Variants in MAGI2 observed in about 807,000 individuals in gnomAD.
The protein encoded by MAGI2 is membrane-associated guanylate kinase, WW and PDZ domain-containing protein 2.
Under a neutral mutation model 133.3 loss-of-function variants are expected in MAGI2, and 35 were observed. The ratio of observed to expected loss-of-function variants is 0.26; its 90% CI spans 0.20 to 0.35. The LOEUF is 0.35. Ranked by LOEUF, MAGI2 falls within the 10% of genes least tolerant of loss-of-function variation. The pLI is 1.00. For missense variants in MAGI2, 1,636 were observed against 1,863.4 expected (o/e 0.88, Z 2.25); for synonymous variants, 729 against 710.6 (o/e 1.03, Z -0.41).
At chr7:79,136,733 T>C (rs553460836) in intron 1 of MAGI2, among the ~76,000 whole-genome samples, 12 of 152,346 alleles carry the variant, frequency 7.9e-5, no homozygotes. Context: ...CTCATTTTAC[T>C]TTTTTCACAC....
intron 4 of MAGI2, among the ~76,000 whole-genome samples, chr7:78,516,686 T>C (rs1006318021): frequency 2.2e-4 from 33 of 152,200 alleles, no homozygotes; most frequent in African/African-American, 7.9e-4. Flanking sequence ...TTTTTACCTA[T>C]GGTGGAATAA....
chr7:79,367,858 C>CATATATATATATATATAT lies in MAGI2; in HGVS notation c.301+85144_301+85161dup, dbSNP rs367920302. Among the ~76,000 whole-genome samples the CATATATATATATATATAT allele has an allele frequency of 1.2e-3, 103 of 87,122 alleles. 4 individuals carry two copies. The highest frequency in any genetic ancestry group is 2.2e-3 in the African/African-American group (48 of 21,568). 57.2% of individuals were successfully genotyped at this position (87,122 alleles called of 152,430 possible). ...CATATATATATGCTTATATATGTGA[C>CATATATATATATATATAT]ATATATATATATATATATGTCATTG... On this transcript the variant is annotated intron_variant, in intron 1 of 21. Coordinates refer to ENST00000354212, the MANE Select transcript of MAGI2 (RefSeq NM_012301.4).
chr7:78,248,831 C>T (rs535193787), intron 10 of MAGI2, among the ~76,000 whole-genome samples: 1 of 151,956 alleles, frequency 6.6e-6, no homozygotes, highest in East Asian at 1.9e-4. Context: ...TTGGATATGC[C>T]TCAAAAGCAC....
At chr7:78,469,351 G>C (rs1025871173) in intron 6 of MAGI2, among the ~76,000 whole-genome samples, 8 of 152,100 alleles carry the variant, frequency 5.3e-5, no homozygotes, top group African/African-American at 1.9e-4. Flanking sequence ...AAACTCTAGA[G>C]AGCAGAGAGA....
chr7:79,403,676 C>A lies in MAGI2; in HGVS notation c.301+49344G>T, dbSNP rs188132886. Among the ~76,000 whole-genome samples the A allele has an allele frequency of 4.2e-3, 638 of 152,216 alleles. 3 individuals are homozygous for A. Among genetic ancestry groups the A allele is most frequent in the African/African-American group, 0.014 (595 of 41,528 alleles). On this transcript the variant is annotated intron_variant, in intron 1 of 21. Transcript: ENST00000354212. The stretch of plus-strand genomic sequence containing the variant: ...AAAAATGAAAATTTCAAAATCTAAA[C>A]TGTGTGTTCTACTTCCGAAGCCACA...
chr7:78,436,780 C>G (rs1800329439), intron 6 of MAGI2, among the ~76,000 whole-genome samples: 1 of 152,158 alleles, frequency 6.6e-6, no homozygotes, highest in Non-Finnish European at 1.5e-5. Flanking sequence ...CAACTCATAG[C>G]TCCCAGCCGC....
intron 2 of MAGI2, among the ~76,000 whole-genome samples, chr7:78,779,382 G>A (rs1050039596): frequency 2.0e-5 from 3 of 152,116 alleles, no homozygotes; most frequent in Non-Finnish European, 4.4e-5. Flanking sequence ...CTAAATTTTA[G>A]TCAAGTGAAT....
intron 9 of MAGI2, among the ~76,000 whole-genome samples, chr7:78,311,217 A>T (rs798286): frequency 0.28 from 42,178 of 152,048 alleles, 6,083 homozygotes; most frequent in African/African-American, 0.32. Flanking sequence ...CAGAAGATGG[A>T]GTGAGAAGCA....
chr7:78,850,499 A>C (rs1006875954), intron 2 of MAGI2, among the ~76,000 whole-genome samples: 3 of 151,858 alleles, frequency 2.0e-5, no homozygotes, highest in African/African-American at 7.3e-5. Context: ...CAGCTGGCTA[A>C]CTCTGTTGTG....
chr7:79,167,223 C>T (rs541333627), intron 1 of MAGI2, among the ~76,000 whole-genome samples: 141 of 151,576 alleles, frequency 9.3e-4, no homozygotes, highest in African/African-American at 3.1e-3. Context: ...AATCCTTTTT[C>T]GCCTCCTTTT....
rs552381869 is a variant in MAGI2 at position 79,257,020 on chromosome 7, C to A, written c.301+196000G>T. Among the ~76,000 whole-genome samples the A allele has an allele frequency of 2.0e-5, 3 of 152,140 alleles. No homozygotes were observed. In the South Asian group the frequency reaches 6.2e-4, roughly 32 times the overall value. On this transcript the variant is annotated intron_variant, in intron 1 of 21. Coordinates refer to ENST00000354212, the MANE Select transcript of MAGI2 (RefSeq NM_012301.4). ...ATTGACAATGTATTGCTGAAACATGCTAAAAGAGTAGATTATAAATCTCAC... is the reference window on the plus strand; with the variant it reads ...ATTGACAATGTATTGCTGAAACATGATAAAAGAGTAGATTATAAATCTCAC...
At chr7:78,565,502 A>G (rs937743108) in intron 3 of MAGI2, among the ~76,000 whole-genome samples, 2 of 151,994 alleles carry the variant, frequency 1.3e-5, no homozygotes, top group African/African-American at 4.8e-5. Flanking sequence ...AAGAATTAAT[A>G]TATGTAAGAT....
intron 2 of MAGI2, among the ~76,000 whole-genome samples, chr7:78,860,710 G>T (rs1038074358): frequency 4.6e-5 from 7 of 152,162 alleles, no homozygotes; most frequent in Admixed American, 3.3e-4. Context: ...CCTTGAGGAG[G>T]CAGTCTGTCC....
chr7:78,865,442 G>A (rs938633993), intron 2 of MAGI2, among the ~76,000 whole-genome samples: 2 of 152,116 alleles, frequency 1.3e-5, no homozygotes, highest in Admixed American at 6.5e-5. Context: ...AACAAAAGGG[G>A]GTGGTTGCTA....
intron 2 of MAGI2, among the ~76,000 whole-genome samples, chr7:78,651,934 C>T (rs1418405085): frequency 7.2e-6 from 1 of 139,316 alleles, no homozygotes. Context: ...ACACATTAAC[C>T]ACTACTAAAC....
chr7:79,069,338 C>A (rs1390201846), intron 1 of MAGI2, among the ~76,000 whole-genome samples: 1 of 152,130 alleles, frequency 6.6e-6, no homozygotes, highest in Non-Finnish European at 1.5e-5. Context: ...GCATTGATCC[C>A]TTTGCCATTA....
chr7:78,755,261 CT>C (rs1380656403), intron 2 of MAGI2, among the ~76,000 whole-genome samples: 6 of 152,140 alleles, frequency 3.9e-5, no homozygotes, highest in African/African-American at 1.4e-4. Flanking sequence ...AATTAGGAGT[CT>C]TGGATTCTAG....
intron 1 of MAGI2, among the ~76,000 whole-genome samples, chr7:79,138,055 C>G (rs937056256): frequency 2.6e-5 from 4 of 152,114 alleles, no homozygotes; most frequent in Admixed American, 1.3e-4. Flanking sequence ...CCTCTGGAAG[C>G]TAGAAAAGGC....
chr7:79,254,316 G>C (rs890520527), intron 1 of MAGI2, among the ~76,000 whole-genome samples: 2 of 151,768 alleles, frequency 1.3e-5, no homozygotes, highest in African/African-American at 4.8e-5. Flanking sequence ...TTTTGTGTTT[G>C]TCTTTTGACT....
Sources: gnomAD v4.1 joint callset for allele counts (sites outside exome capture counted in the v4.1 genomes callset) on GRCh38, gnomAD v4.1.1 for gene constraint, MANE v1.5 for transcripts, NCBI Gene and HGNC (gene_info 2026-07-23, HGNC 2026-07-21) for gene names.